The following PAH variants were observed in gnomAD, a reference collection of about 807,000 sequenced individuals.
PAH encodes phenylalanine-4-hydroxylase.
Under a neutral mutation model 62.0 loss-of-function variants are expected in PAH, and 64 were observed. The ratio of observed to expected loss-of-function variants is 1.03; its 90% confidence interval spans 0.84 to 1.27. The LOEUF (loss-of-function observed/expected upper bound fraction) is 1.27. Ranked by LOEUF, PAH falls within the 50% of genes most tolerant of loss-of-function variation. The pLI, the probability that PAH is intolerant of heterozygous loss-of-function variation, is 0.00. For missense variants in PAH, 579 were observed against 542.8 expected (o/e 1.07, Z -0.66); for synonymous variants, 195 against 196.2 (o/e 0.99, Z 0.05).
At chr12:102,908,221 GAC>G (rs150345639) in intron 2 of PAH, among the ~76,000 whole-genome samples, 31,562 of 141,114 alleles carry the variant, frequency 0.22, 3,885 homozygotes, top group Admixed American at 0.35. Flanking sequence ...CTGCAGCCCC[GAC>G]ACACACACAC....
chr12:102,870,043 G>A (rs891540357), intron 4 of PAH, among the ~76,000 whole-genome samples: 2 of 152,200 alleles, frequency 1.3e-5, no homozygotes, highest in Non-Finnish European at 2.9e-5. Context: ...TGGTGAGGGG[G>A]AGGGGAGGGG....
chr12:102,956,792 A>T (rs1475489272), intron 1 of PAH, among the ~76,000 whole-genome samples: 1 of 150,746 alleles, frequency 6.6e-6, no homozygotes, highest in Non-Finnish European at 1.5e-5. Flanking sequence ...TGCCATATAC[A>T]CCCACCTACA....
In PAH at chr12:102,868,174, GTGTA is replaced by G. The variant is rs1565855141; in HGVS notation, c.442-1515_442-1512del. Among the ~76,000 whole-genome samples the G allele has an allele frequency of 3.4e-3, 22 of 6,470 alleles. 8 individuals are homozygous for G. Among genetic ancestry groups the G allele is most frequent in the African/African-American group, 6.6e-3 (20 of 3,038 alleles). The allele number at this position is 6,470 out of a possible 152,430, so 4.2% of individuals were successfully genotyped here. ...TATATACACATATATATACATATAT[GTGTA>G]TATATATATATATATATATATATAT... On this transcript the variant is annotated intron_variant, in intron 4 of 12. Transcript: ENST00000553106.
At chr12:102,899,494 A>G (rs925159696) in intron 2 of PAH, among the ~76,000 whole-genome samples, 1 of 152,186 alleles carries the variant, frequency 6.6e-6, no homozygotes, top group Non-Finnish European at 1.5e-5. Flanking sequence ...AAGCTAACTA[A>G]ACTCCCATAA....
intron 6 of PAH, among the ~76,000 whole-genome samples, chr12:102,854,292 C>T (rs1875308170): frequency 6.6e-6 from 1 of 152,200 alleles, no homozygotes; most frequent in Non-Finnish European, 1.5e-5. Flanking sequence ...CTCTGCACAG[C>T]TCTGATATAT....
chr12:102,853,025 T>TG, intron 6 of PAH, 75 bp from the exon 7 acceptor site: 1 of 1,530,784 alleles, frequency 6.5e-7, no homozygotes, highest in Non-Finnish European at 9.0e-7. Context: ...CTTTAGGTAG[T>TG]GGAGTAGTAC....
At chr12:102,840,239 C>G (rs540737078) in intron 12 of PAH, among the ~76,000 whole-genome samples, 161 bp downstream of exon 12, 2 of 152,076 alleles carry the variant, frequency 1.3e-5, no homozygotes, top group Non-Finnish European at 2.9e-5. Context: ...ACCTTTTTGT[C>G]AAGTTCTTCT....
intron 9 of PAH, among the ~76,000 whole-genome samples, chr12:102,846,253 T>C (rs1874837365): frequency 6.6e-6 from 1 of 152,252 alleles, no homozygotes; most frequent in South Asian, 2.1e-4. Flanking sequence ...TAAACTGATA[T>C]ATCTTAATAA....
intron 3 of PAH, among the ~76,000 whole-genome samples, chr12:102,885,316 G>T (rs1565862663): frequency 3.9e-5 from 6 of 152,216 alleles, no homozygotes. Flanking sequence ...GCTGGAAATA[G>T]AGACTGACCC....
chr12:102,875,024 C>A (rs1876504395), intron 4 of PAH, among the ~76,000 whole-genome samples: 1 of 152,190 alleles, frequency 6.6e-6, no homozygotes, highest in Non-Finnish European at 1.5e-5. Context: ...TGTTTGCACT[C>A]ACACACTGAG....
At chr12:102,921,547 T>A (rs1242560922), upstream of PAH, among the ~76,000 whole-genome samples, 1 of 152,216 alleles carries the variant, frequency 6.6e-6, no homozygotes, top group Non-Finnish European at 1.5e-5. Context: ...TCCATCCTTT[T>A]AAAAATTTTT....
chr12:102,898,177 T>A (rs192105546), intron 2 of PAH, among the ~76,000 whole-genome samples: 118 of 152,342 alleles, frequency 7.7e-4, no homozygotes, highest in African/African-American at 2.7e-3. Flanking sequence ...CTGCTTTCAT[T>A]AAATGCCATA....
chr12:102,851,815 C>CA (rs1340424544), intron 7 of PAH, 59 bp from the exon 8 acceptor site: 2 of 1,299,292 alleles, frequency 1.5e-6, no homozygotes, highest in East Asian at 4.6e-5. Flanking sequence ...AAGCCAGACT[C>CA]AGTCTTTCTA....
At chr12:102,893,814 T>C (rs1439385203) in intron 3 of PAH, among the ~76,000 whole-genome samples, 1 of 152,212 alleles carries the variant, frequency 6.6e-6, no homozygotes, top group Non-Finnish European at 1.5e-5. Context: ...AATGGGACAA[T>C]GCAAGTTTTG....
At chr12:102,843,598 A>G in intron 11 of PAH, 48 bp downstream of exon 11, 1 of 1,608,874 alleles carries the variant, frequency 6.2e-7, no homozygotes, top group African/African-American at 1.3e-5. Flanking sequence ...GAGTGGCACC[A>G]GTCAGGAGGC....
At chr12:102,853,789 A>G (rs955098858) in intron 6 of PAH, among the ~76,000 whole-genome samples, 10 of 152,160 alleles carry the variant, frequency 6.6e-5, no homozygotes, top group Admixed American at 1.3e-4. Context: ...ACTATATTTG[A>G]CCTACTGTAT....
At chr12:102,871,932 AAAAAAAAAAAAAAAAAAATATATATATAT>A (rs1409753777) in intron 4 of PAH, among the ~76,000 whole-genome samples, 27 of 116,432 alleles carry the variant, frequency 2.3e-4, no homozygotes, top group East Asian at 1.6e-3. Flanking sequence ...CAAAAAAAAA[AAAAAAAAAAAAAAAAAAATATATATATAT>A]ATATATATAT....
At chr12:102,951,141 T>C (rs1197882830), upstream of PAH, among the ~76,000 whole-genome samples, 1 of 152,200 alleles carries the variant, frequency 6.6e-6, no homozygotes, top group Non-Finnish European at 1.5e-5. Flanking sequence ...ATCTGGCTCA[T>C]TAGCATGAGC....
intron 5 of PAH, among the ~76,000 whole-genome samples, chr12:102,862,170 T>C (rs563730299): frequency 1.3e-5 from 2 of 152,220 alleles, no homozygotes; most frequent in South Asian, 4.2e-4. Flanking sequence ...CCATCAGTGG[T>C]GGACTGGATA....
Sources: allele counts gnomAD v4.1 joint callset (sites outside exome capture counted in the v4.1 genomes callset), GRCh38; gene constraint gnomAD v4.1.1; transcripts MANE v1.5; gene names NCBI Gene and HGNC (gene_info 2026-07-23, HGNC 2026-07-21).